DNAH1: variants seen among roughly 807,000 people sequenced by gnomAD.
DNAH1 encodes the protein axonemal beta dynein heavy chain 1.
A neutral mutation model predicts 484.3 loss-of-function variants in DNAH1; 327 were observed. The ratio of observed to expected loss-of-function variants is 0.68; its 90% CI spans 0.62 to 0.74. The LOEUF is 0.74. DNAH1 is among the 30% of genes least tolerant of loss of function. The probability of loss-of-function intolerance (pLI) is 0.00; values close to 1 mark genes in which losing one functional copy is unlikely to be tolerated. For missense variants in DNAH1, 5,052 were observed against 5,546.8 expected (o/e 0.91, Z 2.83); for synonymous variants, 2,192 against 2,191.9 (o/e 1.00, Z 0.00).
chr3:52,397,174 A>T, intron 73 of DNAH1, 130 bp downstream of exon 73: 1 of 900,928 alleles, frequency 1.1e-6, no homozygotes. Context: ...TTCATCAGTC[A>T]ATCCATCCCA....
At chr3:52,336,804 G>A (rs777732864) in intron 8 of DNAH1, among the ~76,000 whole-genome samples, 23 of 152,112 alleles carry the variant, frequency 1.5e-4, no homozygotes, top group Non-Finnish European at 8.8e-5. Context: ...GTCTGTTTTT[G>A]TAACAGTACT....
At chr3:52,348,762 C>T in intron 12 of DNAH1, 126 bp from the exon 13 acceptor site, 1 of 1,015,366 alleles carries the variant, frequency 9.8e-7, no homozygotes, top group Non-Finnish European at 1.5e-6. Context: ...CCCTGCCACC[C>T]TCTAGGCTTC....
Position 52,332,180 on chromosome 3 carries a change from C to A in DNAH1, c.1072C>A (p.Arg358=), listed in dbSNP as rs763243743. 3 of 1,585,842 alleles carry A rather than the reference C, an allele frequency of 1.9e-6. No individual in the cohort carries two copies. In the Admixed American group the frequency reaches 5.5e-5, roughly 29 times the overall value. ...PLQVCQYWVP[R]IQLLFCAEDP... ...TCAGGTCTGTCAGTACTGGGTGCCA[C>A]GGATCCAGCTTCTCTTCTGCGCTGA... Residue 358 remains arginine (R), a synonymous_variant, in exon 8 of 78, where the codon CGG becomes AGG. Coordinates refer to ENST00000420323, the MANE Select transcript of DNAH1 (RefSeq NM_015512.5).
At chr3:52,383,615 G>A (rs373926760) in intron 51 of DNAH1, 21 bp downstream of exon 51, 28 of 1,544,754 alleles carry the variant, frequency 1.8e-5, no homozygotes, top group Non-Finnish European at 2.4e-5. Flanking sequence ...CTGTCGCCAG[G>A]CTGCGCTGGG....
chr3:52,361,401 T>G lies in DNAH1; in HGVS notation c.4874+49T>G, dbSNP rs1363527629. On this transcript the variant is annotated intron_variant, in intron 29 of 77. Coordinates refer to ENST00000420323, the MANE Select transcript of DNAH1 (RefSeq NM_015512.5). The surrounding 1 kb of genome is among the most constrained non-coding windows in gnomAD (Gnocchi z 5.6). ...ACAGGATGGGGTGGGACAGCCTAGC[T>G]CTCCTTGGGGAGGGCTAGGTGAGGG... The G allele has an allele frequency of 2.7e-6, 4 of 1,488,482 alleles. No homozygotes were observed. In the African/African-American group the frequency reaches 4.2e-5, roughly 16 times the overall value. 92.2% of individuals were successfully genotyped at this position (1,488,482 alleles called of 1,614,324 possible).
Position 52,381,845 on chromosome 3 carries a change from C to T in DNAH1, c.7805+9C>T, listed in dbSNP as rs2153225168. The T allele has an allele frequency of 6.4e-7, 1 of 1,574,676 alleles. No homozygotes were observed. Among genetic ancestry groups the T allele is most frequent in the African/African-American group, 1.3e-5 (1 of 74,116 alleles). On this transcript the variant is annotated intron_variant, in intron 49 of 77. Transcript: ENST00000420323. This position sits in a 1 kb window ranked among gnomAD's most constrained non-coding sequence, Gnocchi z 4.1. ...AGGCTCGCCTCGCACATGTGAGCGC[C>T]TCCAGGGCGTGCTGGGCAGTGGGCG...
chr3:52,342,730 A>T (rs752764590), intron 8 of DNAH1, among the ~76,000 whole-genome samples: 11 of 152,260 alleles, frequency 7.2e-5, no homozygotes, highest in Non-Finnish European at 1.3e-4. Flanking sequence ...TTCAGAGACA[A>T]GGAGGCTAGT....
intron 3 of DNAH1, among the ~76,000 whole-genome samples, chr3:52,324,766 G>T (rs542306312): frequency 1.3e-5 from 2 of 152,154 alleles, no homozygotes; most frequent in Admixed American, 6.5e-5. Flanking sequence ...AGCACTGGGG[G>T]TATTGGGAAT....
intron 37 of DNAH1, among the ~76,000 whole-genome samples, 196 bp from the exon 38 acceptor site, chr3:52,369,629 C>G (rs1242772938): frequency 6.6e-6 from 1 of 152,136 alleles, no homozygotes; most frequent in African/African-American, 2.4e-5. Flanking sequence ...TGGGGTCCTC[C>G]TCAGGGCTCC....
At position 52,396,861 on chromosome 3, in the gene DNAH1, C is replaced by A. The variant is rs1161940486; in HGVS notation, c.11611-7C>A. On this transcript the variant is annotated splice_region_variant and splice_polypyrimidine_tract_variant and intron_variant, in intron 72 of 77. Coordinates refer to ENST00000420323, the MANE Select transcript of DNAH1 (RefSeq NM_015512.5). Reference sequence around the variant, plus strand: ...CTTAGGGGAGCCCTCACCCACCCACCCCATAGGTCCTCAAGTACACGGCAG... The same window carrying A: ...CTTAGGGGAGCCCTCACCCACCCACACCATAGGTCCTCAAGTACACGGCAG... 1.9e-6 allele frequency: 3 copies of A among 1,612,816 alleles called. No individual in the cohort carries two copies. The Admixed American group carries it at 5.0e-5, about 27-fold the overall frequency.
chr3:52,386,283 T>A lies in DNAH1; in HGVS notation c.8749T>A (p.Leu2917Met). ...DDAQKDLDEA[L>M]PALDAALASL... ...TGCCCAGAAGGACCTGGACGAGGCG[T>A]TGCCAGCCCTGGATGCGGCTCTGGC... The change falls in exon 55 of 78, where the codon TTG becomes ATG. Residue 2917 changes from leucine (L) to methionine (M), a missense_variant. Physicochemically the swap from Leu to Met is conservative, Grantham distance 15. Around this residue, in one of 4 missense-constraint regions of DNAH1, gnomAD observed 2,929 missense variants for 3,409.4 expected, o/e 0.86. Coordinates refer to ENST00000420323, the MANE Select transcript of DNAH1 (RefSeq NM_015512.5). 6.2e-7 allele frequency: 1 copy of A among 1,608,512 alleles called. No individual in the cohort carries two copies.
At chr3:52,330,203 A>T (rs1379509243) in intron 6 of DNAH1, among the ~76,000 whole-genome samples, 1 of 152,208 alleles carries the variant, frequency 6.6e-6, no homozygotes, top group African/African-American at 2.4e-5. Context: ...GAACACCTGC[A>T]AGGTACTAGT....
Position 52,358,625 on chromosome 3 carries a change from G to T in DNAH1, c.4154G>T (p.Cys1385Phe). ...GCCGAGGGGGAGGAGGTACAGTTGT[G>T]CTTCTCCATCTACCCCTCCAGCAAC... Reference protein sequence around the residue: ...YSAEGEEVQLCFSIYPSSNVE... With the variant: ...YSAEGEEVQLFFSIYPSSNVE... Residue 1385 changes from cysteine to phenylalanine, a missense_variant, in exon 25 of 78, where the codon TGC becomes TTC. Physicochemically the swap from Cys to Phe is radical, Grantham distance 205. Coordinates refer to ENST00000420323, the MANE Select transcript of DNAH1 (RefSeq NM_015512.5). This position sits in a 1 kb window ranked among gnomAD's most constrained non-coding sequence, Gnocchi z 4.2. 1 of 1,613,366 alleles carries T rather than the reference G, an allele frequency of 6.2e-7. No homozygotes were observed. Among genetic ancestry groups the T allele is most frequent in the South Asian group, 1.1e-5 (1 of 91,056 alleles).
intron 40 of DNAH1, 40 bp downstream of exon 40, chr3:52,370,675 C>T (rs1415681353): frequency 5.0e-6 from 8 of 1,599,382 alleles, no homozygotes; most frequent in Non-Finnish European, 6.8e-6. Flanking sequence ...AGCCTCAGTC[C>T]TACTGGGCCT....
At chr3:52,349,448 G>GACCACAGCAGCACAC in intron 14 of DNAH1, 28 bp downstream of exon 14, 2 of 1,596,414 alleles carry the variant, frequency 1.3e-6, no homozygotes, top group African/African-American at 1.3e-5. Context: ...CCGCCTCAGT[G>GACCACAGCAGCACAC]ACCACAGCAG....
intron 34 of DNAH1, 114 bp from the exon 35 acceptor site, chr3:52,366,343 G>A: frequency 1.3e-6 from 1 of 779,770 alleles, no homozygotes; most frequent in Non-Finnish European, 2.1e-6. Flanking sequence ...TTTTATAGAT[G>A]AGGAAATTGA....
Position 52,344,655 on chromosome 3 carries a change from T to A in DNAH1, c.1444+8T>A. 6.2e-7 allele frequency: 1 copy of A among 1,610,780 alleles called. No homozygotes were observed. The highest frequency in any genetic ancestry group is 8.5e-7 in the Non-Finnish European group (1 of 1,179,084). On this transcript the variant is annotated splice_region_variant and intron_variant, in intron 9 of 77. Coordinates refer to ENST00000420323, the MANE Select transcript of DNAH1 (RefSeq NM_015512.5). ...AGCAGGTGCCTGAGCGAGGTGAGGG[T>A]CACTGGACCAAGATGGGCTCCATGG...
intron 11 of DNAH1, among the ~76,000 whole-genome samples, chr3:52,347,482 G>T (rs367579756): frequency 2.0e-5 from 3 of 152,214 alleles, no homozygotes; most frequent in African/African-American, 7.2e-5. Context: ...ATCCAGGCTT[G>T]GTTCTTGCTG....
At chr3:52,387,528 A>C (rs1460079831) in intron 56 of DNAH1, among the ~76,000 whole-genome samples, 1 of 152,084 alleles carries the variant, frequency 6.6e-6, no homozygotes, top group Non-Finnish European at 1.5e-5. Context: ...TTTAAGCAGC[A>C]TCTGGACCCC....
Sources: allele counts gnomAD v4.1 joint callset (sites outside exome capture counted in the v4.1 genomes callset), GRCh38; gene constraint gnomAD v4.1.1; regional missense constraint gnomAD v4.1.1; non-coding constraint Gnocchi (gnomAD v3.1); transcripts MANE v1.5; gene names NCBI Gene and HGNC (gene_info 2026-07-23, HGNC 2026-07-21).